Variants in SAMD5 observed in about 807,000 individuals in gnomAD.
SAMD5 encodes the protein sterile alpha motif domain containing 5, also known as sterile alpha motif domain-containing protein 5.
A neutral mutation model predicts 11.3 loss-of-function variants in SAMD5; 13 were observed. That is an observed-to-expected ratio of 1.15 (90% CI 0.75 to 1.83). The LOEUF is 1.83. Ranked by LOEUF, SAMD5 falls within the 40% of genes most tolerant of loss-of-function variation. SAMD5 has a pLI of 0.00. For synonymous variants in SAMD5, 129 were observed against 111.3 expected, an observed-to-expected ratio of 1.16 and a Z score of -1.00; for missense variants, 255 against 239.1, an observed-to-expected ratio of 1.07 and a Z score of -0.44.
chr6:147,554,041 C>T (rs906879217), intron 1 of SAMD5, among the ~76,000 whole-genome samples: 2 of 151,998 alleles, frequency 1.3e-5, no homozygotes, highest in Non-Finnish European at 2.9e-5. Context: ...AATTGACTCA[C>T]AGAACTGCAG....
the SAMD5 span, among the ~76,000 whole-genome samples, chr6:147,785,031 T>G: frequency 6.6e-6 from 1 of 152,202 alleles, no homozygotes; most frequent in East Asian, 1.9e-4. Flanking sequence ...TGGCCCCAGA[T>G]TATTTGAGAA....
intron 1 of SAMD5, among the ~76,000 whole-genome samples, chr6:147,635,625 A>G (rs1304256316): frequency 1.3e-5 from 2 of 152,184 alleles, no homozygotes; most frequent in Non-Finnish European, 2.9e-5. Flanking sequence ...CTACCCCTCT[A>G]ACTTGGGCTC....
the SAMD5 span, among the ~76,000 whole-genome samples, chr6:147,773,111 C>A: frequency 6.6e-6 from 1 of 152,186 alleles, no homozygotes; most frequent in Non-Finnish European, 1.5e-5. Context: ...ACCCTGGGGG[C>A]TCTCCCCTCC....
rs150896318 is a variant in SAMD5 at position 147,553,000 on chromosome 6, G to A, written c.460-11394G>A. Among the ~76,000 whole-genome samples the A allele has an allele frequency of 7.5e-3, 1,135 of 152,282 alleles. 15 individuals are homozygous for A. The highest frequency in any genetic ancestry group is 0.048 in the South Asian group (233 of 4,828). On this transcript the variant is annotated intron_variant, in intron 1 of 1. Transcript: ENST00000367474. ...GTGTCTAAGTATCTATGCCTCCTTA[G>A]GGGTGGGTTTACATCACTCAGTGAT...
At chr6:147,668,211 C>T (rs1790747928) in intron 1 of SAMD5, among the ~76,000 whole-genome samples, 1 of 152,168 alleles carries the variant, frequency 6.6e-6, no homozygotes, top group Non-Finnish European at 1.5e-5. Context: ...TTCTCCTGTG[C>T]ATCTATATAC....
At chr6:147,773,288 C>A in the SAMD5 span, among the ~76,000 whole-genome samples, 63 of 152,254 alleles carry the variant, frequency 4.1e-4, no homozygotes, top group East Asian at 8.9e-3. Context: ...TCTGGATGTC[C>A]AGGCAGAAGA....
At chr6:147,666,383 C>T (rs1002805904) in intron 1 of SAMD5, among the ~76,000 whole-genome samples, 3 of 152,198 alleles carry the variant, frequency 2.0e-5, no homozygotes, top group Non-Finnish European at 4.4e-5. Context: ...ATTTTCCAGA[C>T]ATTCCCAAAA....
At chr6:147,821,271 A>C in the SAMD5 span, among the ~76,000 whole-genome samples, 1 of 152,208 alleles carries the variant, frequency 6.6e-6, no homozygotes, top group African/African-American at 2.4e-5. Flanking sequence ...CATGGATGTG[A>C]TATAAAGGTG....
At chr6:147,755,717 T>C in the SAMD5 span, among the ~76,000 whole-genome samples, 1 of 152,118 alleles carries the variant, frequency 6.6e-6, no homozygotes, top group East Asian at 1.9e-4. Flanking sequence ...TGAAGATCAT[T>C]GTAGCAACTC....
At chr6:147,789,426 A>AT in the SAMD5 span, among the ~76,000 whole-genome samples, 3 of 152,024 alleles carry the variant, frequency 2.0e-5, no homozygotes, top group East Asian at 1.9e-4. Context: ...CCAGAGATAT[A>AT]TTTTTTTAAT....
At chr6:147,823,487 A>G in the SAMD5 span, among the ~76,000 whole-genome samples, 1 of 152,252 alleles carries the variant, frequency 6.6e-6, no homozygotes, top group South Asian at 2.1e-4. Flanking sequence ...TAGGGTTTAA[A>G]TGCCAGGAAC....
At chr6:147,886,423 G>C in the SAMD5 span, among the ~76,000 whole-genome samples, 1 of 151,938 alleles carries the variant, frequency 6.6e-6, no homozygotes, top group Non-Finnish European at 1.5e-5. Context: ...AAGTTGCTAT[G>C]AAGAAGAGGA....
At chr6:147,552,826 T>A (rs1031030918) in intron 1 of SAMD5, among the ~76,000 whole-genome samples, 2 of 152,206 alleles carry the variant, frequency 1.3e-5, no homozygotes, top group East Asian at 3.9e-4. Context: ...CTGTAGGGCA[T>A]GCTTCACAAA....
At chr6:147,656,779 C>T (rs945124132) in intron 1 of SAMD5, among the ~76,000 whole-genome samples, 4 of 152,114 alleles carry the variant, frequency 2.6e-5, no homozygotes, top group African/African-American at 9.7e-5. Flanking sequence ...GCAAATGGTA[C>T]CATTCCTATG....
At chr6:147,838,449 T>G in the SAMD5 span, among the ~76,000 whole-genome samples, 1 of 151,962 alleles carries the variant, frequency 6.6e-6, no homozygotes, top group Non-Finnish European at 1.5e-5. Context: ...TTTAATGGTG[T>G]TGTAAGAATC....
intron 1 of SAMD5, among the ~76,000 whole-genome samples, chr6:147,636,391 GA>G (rs1371721982): frequency 6.6e-6 from 1 of 151,936 alleles, no homozygotes; most frequent in Non-Finnish European, 1.5e-5. Context: ...AAAAAATTTA[GA>G]AATTAAATAT....
At chr6:147,798,820 T>C in the SAMD5 span, among the ~76,000 whole-genome samples, 1 of 152,202 alleles carries the variant, frequency 6.6e-6, no homozygotes, top group Non-Finnish European at 1.5e-5. Context: ...TACCATTATG[T>C]AATGGCCTTC....
At position 147,624,117 on chromosome 6, in the gene SAMD5, G is replaced by A. The variant is rs550532286; in HGVS notation, c.163-113200G>A. On this transcript the variant is annotated intron_variant, in intron 1 of 1. Coordinates refer to the SAMD5 transcript ENST00000566741. The stretch of plus-strand genomic sequence containing the variant: ...GCTCCTGACCTCAAGTGATCCACCC[G>A]CCTCAGCCTCTCAAAGTGCTGGGAT... Among the ~76,000 whole-genome samples the A allele has an allele frequency of 3.9e-5, 6 of 152,290 alleles. No homozygotes were observed. In the South Asian group the frequency reaches 6.2e-4, roughly 16 times the overall value.
At chr6:147,769,268 G>C in the SAMD5 span, among the ~76,000 whole-genome samples, 25 of 152,336 alleles carry the variant, frequency 1.6e-4, no homozygotes, top group Non-Finnish European at 3.4e-4. Flanking sequence ...AACGAATCAA[G>C]TGCTCCCCAG....
Sources: allele counts gnomAD v4.1 joint callset (sites outside exome capture counted in the v4.1 genomes callset), GRCh38; gene constraint gnomAD v4.1.1; transcripts MANE v1.5; gene names NCBI Gene and HGNC (gene_info 2026-07-23, HGNC 2026-07-21).